The following SYNE2 variants were observed in gnomAD, a reference collection of about 807,000 sequenced individuals.
SYNE2 encodes spectrin repeat containing nuclear envelope protein 2, also known as nesprin-2.
SYNE2 carries 431 observed loss-of-function variants against 856.3 expected under a neutral mutation model. The ratio of observed to expected loss-of-function variants is 0.50; its 90% CI spans 0.47 to 0.55. SYNE2 has a LOEUF of 0.55. Among genes scored for constraint, SYNE2 ranks in the 20% least tolerant of loss-of-function variants. SYNE2 has a pLI of 0.00. For synonymous variants in SYNE2, 2,923 were observed against 2,872.3 expected (o/e 1.02, Z -0.56); for missense variants, 8,129 against 8,023.2 (o/e 1.01, Z -0.50).
chr14:63,892,003 A>G (rs1173328247), intron 1 of SYNE2, among the ~76,000 whole-genome samples: 1 of 152,220 alleles, frequency 6.6e-6, no homozygotes, highest in Non-Finnish European at 1.5e-5. Context: ...AGTTTGTTTC[A>G]GAAACAAACT....
In SYNE2 at chr14:63,998,991, A is replaced by C; in HGVS notation, c.3431A>C (p.Glu1144Ala). The C allele has an allele frequency of 1.2e-6, 2 of 1,613,930 alleles. No individual in the cohort carries two copies. The highest frequency in any genetic ancestry group is 1.7e-6 in the Non-Finnish European group (2 of 1,179,788). ...KFRITSDFSS[E>A]EDRSSSCLQA... Reference sequence around the variant, plus strand: ...AGGATTACTTCTGATTTCTCTAGTGAAGAGGACAGGAGTAGTTCTTGTCTG... The same window carrying C: ...AGGATTACTTCTGATTTCTCTAGTGCAGAGGACAGGAGTAGTTCTTGTCTG... The change falls in exon 27 of 116, where the codon GAA becomes GCA. Residue 1144 changes from glutamate to alanine, a missense_variant. This residue lies in a region of SYNE2 where 2,422 missense variants were observed against 2,357.4 expected (regional missense o/e 1.03). Transcript: ENST00000555002.
chr14:63,768,174 A>G (rs1294813498), intron 1 of SYNE2, among the ~76,000 whole-genome samples: 1 of 152,052 alleles, frequency 6.6e-6, no homozygotes, highest in Non-Finnish European at 1.5e-5. Flanking sequence ...TGGGTGATGA[A>G]GTGAGACCAT....
chr14:64,201,999 C>A (rs2098570853), intron 99 of SYNE2, among the ~76,000 whole-genome samples: 1 of 152,154 alleles, frequency 6.6e-6, no homozygotes, highest in Non-Finnish European at 1.5e-5. Context: ...TTGTTTTCCC[C>A]CAACAGCTAC....
At chr14:64,065,341 T>C (rs1484482224) in intron 50 of SYNE2, 91 bp from the exon 51 acceptor site, 9 of 1,124,458 alleles carry the variant, frequency 8.0e-6, no homozygotes, top group Non-Finnish European at 1.3e-6. Context: ...AAGATTGAAA[T>C]AATTAATTGT....
At chr14:64,022,603 T>G in intron 37 of SYNE2, 148 bp from the exon 38 acceptor site, 1 of 678,184 alleles carries the variant, frequency 1.5e-6, no homozygotes, top group Non-Finnish European at 2.7e-6. Context: ...TAGGCTTTAT[T>G]AGCCCTCAAA....
In SYNE2 at chr14:64,009,580, C is replaced by T. The variant is rs568164219; in HGVS notation, c.4578-386C>T. ...AAAAAGAGAATAGATATATAAACAC[C>T]CTGTGACTTGCTGAATTAATATTGA... On this transcript the variant is annotated intron_variant, in intron 31 of 115. Transcript: ENST00000555002. Among the ~76,000 whole-genome samples, 10 of 151,034 alleles carry T rather than the reference C, an allele frequency of 6.6e-5. No homozygotes were observed. In the South Asian group the frequency reaches 1.0e-3, roughly 16 times the overall value.
rs529152142 is a variant in SYNE2 at position 64,174,653 on chromosome 14, A to G, written c.17236-291A>G. On this transcript the variant is annotated intron_variant, in intron 94 of 115. Transcript: ENST00000555002. The stretch of plus-strand genomic sequence containing the variant: ...CATTTACCTTGCAGGCTATTATTCT[A>G]TGATGTATATTTTTTTATTTCTCTG... 6.6e-5 allele frequency among the ~76,000 whole-genome samples: 10 copies of G among 152,258 alleles called. No individual in the cohort carries two copies. In the South Asian group the frequency reaches 1.2e-3, roughly 19 times the overall value.
At chr14:64,207,909 C>G (rs1159609548) in intron 100 of SYNE2, 2 of 434,554 alleles carry the variant, frequency 4.6e-6, no homozygotes, top group Non-Finnish European at 9.3e-6. Context: ...GGATGCCTAA[C>G]TCTTCCAGAA....
intron 1 of SYNE2, among the ~76,000 whole-genome samples, chr14:63,894,143 T>C (rs1205193462): frequency 1.3e-5 from 2 of 152,350 alleles, no homozygotes; most frequent in East Asian, 1.9e-4. Flanking sequence ...TTAACAGCTT[T>C]TTGAAGATGC....
Position 64,052,699 on chromosome 14 carries a change from G to T in SYNE2, c.8786G>T (p.Arg2929Ile). ...NLKIRTNRIQRFIQNTCNEVE... is the reference protein window; with the variant it reads ...NLKIRTNRIQIFIQNTCNEVE... Reference sequence around the variant, plus strand: ...AAGATTAGGACCAACAGAATACAAAGATTCATTCAGAATACATGTAATGAA... The same window carrying T: ...AAGATTAGGACCAACAGAATACAAATATTCATTCAGAATACATGTAATGAA... Residue 2929 changes from arginine to isoleucine, a missense_variant, in exon 48 of 116, where the codon AGA becomes ATA. This residue lies in a region of SYNE2 where 5,410 missense variants were observed against 5,284.8 expected (regional missense o/e 1.02). Coordinates refer to ENST00000555002, the MANE Select transcript of SYNE2 (RefSeq NM_182914.3). 6.2e-7 allele frequency: 1 copy of T among 1,613,698 alleles called. No individual in the cohort carries two copies. The highest frequency in any genetic ancestry group is 8.5e-7 in the Non-Finnish European group (1 of 1,179,824).
chr14:64,064,837 C>T (rs2097345789), intron 50 of SYNE2, among the ~76,000 whole-genome samples: 1 of 147,404 alleles, frequency 6.8e-6, no homozygotes, highest in Non-Finnish European at 1.5e-5. Flanking sequence ...AGCCACTGTG[C>T]CCAGCCACTT....
chr14:64,142,936 T>C (rs1347140406), intron 82 of SYNE2, among the ~76,000 whole-genome samples: 1 of 152,186 alleles, frequency 6.6e-6, no homozygotes, highest in Non-Finnish European at 1.5e-5. Context: ...CAAAGATGAG[T>C]GACAAGTGTG....
At position 63,961,552 on chromosome 14, in the gene SYNE2, A is replaced by C; in HGVS notation, c.815A>C (p.Lys272Thr). The C allele has an allele frequency of 6.2e-7, 1 of 1,614,018 alleles. No individual in the cohort carries two copies. The highest frequency in any genetic ancestry group is 1.6e-4 in the Middle Eastern group (1 of 6,062). ...EDVDVVDPDE[K>T]SIMTYVAQFL... ...GTGGATGTTGTTGATCCTGATGAAA[A>C]GTCCATCATGACCTATGTGGCACAG... is the stretch of plus-strand genomic sequence containing the variant. The change falls in exon 9 of 116, where the codon AAG becomes ACG. Residue 272 changes from lysine to threonine, a missense_variant. Lys to Thr is a moderately conservative substitution (Grantham distance 78). Coordinates refer to ENST00000555002, the MANE Select transcript of SYNE2 (RefSeq NM_182914.3).
intron 2 of SYNE2, among the ~76,000 whole-genome samples, chr14:63,919,868 T>C (rs1286904871): frequency 6.6e-6 from 1 of 151,824 alleles, no homozygotes. Context: ...GACTCTGCAT[T>C]GAGGAGAGAA....
At chr14:63,940,869 C>T (rs1051567667) in intron 3 of SYNE2, among the ~76,000 whole-genome samples, 194 bp downstream of exon 3, 5 of 152,062 alleles carry the variant, frequency 3.3e-5, no homozygotes, top group Admixed American at 3.3e-4. Context: ...CTCTTTCTCA[C>T]ACAGAAAAAA....
intron 1 of SYNE2, among the ~76,000 whole-genome samples, chr14:63,879,657 A>T (rs984931930): frequency 9.8e-5 from 15 of 152,392 alleles, no homozygotes; most frequent in Middle Eastern, 3.4e-3. Flanking sequence ...CCAAAAGTTC[A>T]CTTGCCCCAG....
intron 108 of SYNE2, 151 bp downstream of exon 108, chr14:64,216,538 T>G (rs868073522): frequency 2.8e-5 from 25 of 887,306 alleles, no homozygotes; most frequent in Middle Eastern, 4.3e-4. Context: ...TCTGTTGAGC[T>G]GTCCATACTT....
At chr14:64,009,676 G>T (rs1420209419) in intron 31 of SYNE2, among the ~76,000 whole-genome samples, 1 of 152,094 alleles carries the variant, frequency 6.6e-6, no homozygotes, top group African/African-American at 2.4e-5. Flanking sequence ...ATGAAATTGA[G>T]ATGCTGATTC....
intron 58 of SYNE2, 112 bp from the exon 59 acceptor site, chr14:64,089,462 A>C: frequency 1.1e-6 from 1 of 928,270 alleles, no homozygotes. Context: ...AGAGGTATAG[A>C]TGGCAGACAT....
Sources: allele counts gnomAD v4.1 joint callset (sites outside exome capture counted in the v4.1 genomes callset), GRCh38; gene constraint gnomAD v4.1.1; regional missense constraint gnomAD v4.1.1; transcripts MANE v1.5; gene names NCBI Gene and HGNC (gene_info 2026-07-23, HGNC 2026-07-21).